Variants in DSP observed in about 807,000 individuals in gnomAD.
DSP encodes desmoplakin, also known as 250/210 kDa paraneoplastic pemphigus antigen.
In DSP, 114 loss-of-function variants were observed where a neutral mutation model predicts 290.6. The observed-to-expected ratio is 0.39, with a 90% CI of 0.34 to 0.46. The LOEUF (loss-of-function observed/expected upper bound fraction) is 0.46. Ranked by LOEUF, DSP falls within the 20% of genes least tolerant of loss-of-function variation. The pLI is 0.99. For synonymous variants in DSP, 1,311 were observed against 1,316.4 expected, an observed-to-expected ratio of 1.00 and a Z score of 0.09; for missense variants, 3,230 against 3,495.8, an observed-to-expected ratio of 0.92 and a Z score of 1.92.
intron 21 of DSP, 65 bp downstream of exon 21, chr6:7,577,951 C>T: frequency 5.4e-6 from 7 of 1,297,440 alleles, no homozygotes; most frequent in Non-Finnish European, 6.7e-6. Context: ...TTTTCCCTGT[C>T]TCCTGCCTCT....
Position 7,581,523 on chromosome 6 carries a change from A to G in DSP, c.5333A>G (p.Glu1778Gly). The change falls in exon 23 of 24, where the codon GAA becomes GGA. Residue 1778 changes from glutamate to glycine, a missense_variant. Around this residue, in one of 5 missense-constraint regions of DSP, gnomAD observed 1,714 missense variants for 1,844.5 expected, o/e 0.93. Coordinates refer to ENST00000379802, the MANE Select transcript of DSP (RefSeq NM_004415.4). ...ATTAATGATTTACAGAGAGAGAGGG[A>G]AAATTTGAGACAGGAAATTGAGAAA... is the stretch of plus-strand genomic sequence containing the variant. ...GLINDLQRERENLRQEIEKFQ... is the reference protein window; with the variant it reads ...GLINDLQRERGNLRQEIEKFQ... 6.2e-7 allele frequency: 1 copy of G among 1,614,136 alleles called. No individual in the cohort carries two copies. The highest frequency in any genetic ancestry group is 2.2e-5 in the East Asian group (1 of 44,880).
rs201133637 is a variant in DSP at position 7,541,953 on chromosome 6, C to T, written c.38C>T (p.Thr13Ile). The change falls in exon 1 of 24, where the codon ACT becomes ATT. Residue 13 changes from threonine (T) to isoleucine (I), a missense_variant. Transcript: ENST00000379802. ...CNGGSHPRIN[T>I]LGRMIRAESG... ...GGAGGCTCCCACCCGCGGATCAACA[C>T]TCTGGGCCGCATGATCCGCGCCGAG... 1.7e-5 allele frequency: 27 copies of T among 1,609,122 alleles called. No homozygotes were observed. The East Asian group carries it at 4.9e-4, about 29-fold the overall frequency.
chr6:7,585,304 A>C lies in DSP; in HGVS notation c.8042A>C (p.Asp2681Ala), dbSNP rs746166372. The C allele has an allele frequency of 6.8e-6, 11 of 1,614,158 alleles. 1 individual carries two copies. In the Middle Eastern group the frequency reaches 1.3e-3, roughly 194 times the overall value. ...LQDAVSQGVI[D>A]QDMATRLKPA... ...GACGCAGTCTCCCAGGGTGTGATTG[A>C]CCAAGACATGGCCACCAGGCTGAAG... Residue 2681 changes from aspartate (D) to alanine (A), a missense_variant, in exon 24 of 24, where the codon GAC becomes GCC. Physicochemically the swap from Asp to Ala is moderately radical, Grantham distance 126. Transcript: ENST00000379802.
At position 7,576,375 on chromosome 6, in the gene DSP, T is replaced by C. The variant is rs1759240547; in HGVS notation, c.2712T>C (p.Asp904=). The change falls in exon 19 of 24, where the codon GAT becomes GAC. Residue 904 remains aspartate, a synonymous_variant. Transcript: ENST00000379802. The part of the protein sequence containing the change: ...NYQAFCKWLY[D]AKRRQDSLES... ...AGGCTTTCTGCAAGTGGCTCTATGATGCTAAACGCCGCCAGGATTCCTTAG... is the reference window on the plus strand; with the variant it reads ...AGGCTTTCTGCAAGTGGCTCTATGACGCTAAACGCCGCCAGGATTCCTTAG... 6.2e-7 allele frequency: 1 copy of C among 1,614,166 alleles called. No homozygotes were observed. The highest frequency in any genetic ancestry group is 1.3e-5 in the African/African-American group (1 of 75,044).
chr6:7,557,277 G>A (rs1758529745), intron 2 of DSP, among the ~76,000 whole-genome samples: 1 of 152,210 alleles, frequency 6.6e-6, no homozygotes, highest in Admixed American at 6.5e-5. Context: ...TCTCTACCCA[G>A]CACCCAGCTT....
At chr6:7,546,609 C>T (rs62388072) in intron 1 of DSP, among the ~76,000 whole-genome samples, 17,724 of 152,200 alleles carry the variant, frequency 0.12, 1,350 homozygotes, top group Non-Finnish European at 0.17. Context: ...ACCACAATGA[C>T]GCAAGAGAAG....
chr6:7,584,905 G>A lies in DSP; in HGVS notation c.7643G>A (p.Arg2548Gln), dbSNP rs377565339. The A allele has an allele frequency of 6.2e-7, 1 of 1,614,142 alleles. No individual in the cohort carries two copies. The highest frequency in any genetic ancestry group is 8.5e-7 in the Non-Finnish European group (1 of 1,180,016). ...LVDRKFFDQY[R>Q]SGSLSLTQFA... ...GACAGGAAGTTCTTTGATCAGTACC[G>A]ATCCGGCAGCCTCAGCCTCACTCAA... The change falls in exon 24 of 24, where the codon CGA (arginine) becomes CAA (glutamine). Residue 2548 changes from arginine (R) to glutamine (Q), a missense_variant. Physicochemically the swap from Arg to Gln is conservative, Grantham distance 43. Transcript: ENST00000379802. This position sits in a 1 kb window ranked among gnomAD's most constrained non-coding sequence, Gnocchi z 6.4.
At chr6:7,553,737 T>C (rs1458581045) in intron 1 of DSP, among the ~76,000 whole-genome samples, 1 of 152,174 alleles carries the variant, frequency 6.6e-6, no homozygotes, top group African/African-American at 2.4e-5. Flanking sequence ...AGAGACTGGT[T>C]GCATTGGTGG....
At chr6:7,569,094 G>A (rs767824453) in intron 11 of DSP, 92 bp from the exon 12 acceptor site, 9 of 1,543,858 alleles carry the variant, frequency 5.8e-6, no homozygotes, top group South Asian at 2.3e-5. Context: ...TTAATAATTC[G>A]CATGTGTTCA....
chr6:7,551,279 C>CAT (rs550590769), intron 1 of DSP, among the ~76,000 whole-genome samples: 2,043 of 151,568 alleles, frequency 0.013, 41 homozygotes, highest in African/African-American at 0.046. Flanking sequence ...TAGTCAATAA[C>CAT]ATATATATAT....
intron 21 of DSP, among the ~76,000 whole-genome samples, 156 bp from the exon 22 acceptor site, chr6:7,578,308 G>C (rs1759311128): frequency 6.6e-6 from 1 of 152,122 alleles, no homozygotes; most frequent in African/African-American, 2.4e-5. Context: ...CCTTTGTTTT[G>C]CTGTACTTTC....
At chr6:7,558,856 C>G (rs1049628204) in intron 3 of DSP, among the ~76,000 whole-genome samples, 1 of 151,984 alleles carries the variant, frequency 6.6e-6, no homozygotes, top group African/African-American at 2.4e-5. Context: ...AAATGAGACC[C>G]TTAGAGTTGG....
At chr6:7,569,429 C>A in intron 12 of DSP, 89 bp downstream of exon 12, 2 of 1,584,432 alleles carry the variant, frequency 1.3e-6, no homozygotes. Context: ...GAAGCTTAGA[C>A]ACACGATGCC....
At position 7,583,172 on chromosome 6, in the gene DSP, G is replaced by C; in HGVS notation, c.5910G>C (p.Gly1970=). 1 of 1,614,124 alleles carries C rather than the reference G, an allele frequency of 6.2e-7. No individual in the cohort carries two copies. Among genetic ancestry groups the C allele is most frequent in the Non-Finnish European group, 8.5e-7 (1 of 1,180,024 alleles). The part of the protein sequence containing the change: ...TVDTSKLVFD[G]LRKKVTAMQL... ...ACACCTCCAAGCTGGTGTTTGATGG[G>C]CTGAGGAAGAAGGTGACAGCAATGC... The change falls in exon 24 of 24, where the codon GGG becomes GGC. Residue 1970 remains glycine (G), a synonymous_variant. Transcript: ENST00000379802. The surrounding 1 kb of genome is among the most constrained non-coding windows in gnomAD (Gnocchi z 4.0).
rs1759119522 is a variant in DSP at position 7,573,355 on chromosome 6, G to A, written c.2131-731G>A. Among the ~76,000 whole-genome samples, 7 of 152,236 alleles carry A rather than the reference G, an allele frequency of 4.6e-5. No homozygotes were observed. The South Asian group carries it at 1.4e-3, about 32-fold the overall frequency. ...GCACTTTGGGAGGCCGAGGCGGGTG[G>A]ATCACAAGGTCAGGAGTTCAAGACC... On this transcript the variant is annotated intron_variant, in intron 15 of 23. Coordinates refer to ENST00000379802, the MANE Select transcript of DSP (RefSeq NM_004415.4).
intron 1 of DSP, among the ~76,000 whole-genome samples, chr6:7,545,032 A>T (rs1017201138): frequency 2.0e-5 from 3 of 152,230 alleles, no homozygotes; most frequent in Non-Finnish European, 4.4e-5. Context: ...TAAATAGTGA[A>T]ATTTGTTACC....
chr6:7,541,804 T>A lies in DSP; in HGVS notation c.-112T>A. 7.2e-7 allele frequency: 1 copy of A among 1,398,262 alleles called. No homozygotes were observed. The highest frequency in any genetic ancestry group is 2.6e-5 in the East Asian group (1 of 38,266). 86.6% of individuals were successfully genotyped at this position (1,398,262 alleles called of 1,614,324 possible). ...CAGCGACCTCGCGAGCCTTCCGCAC[T>A]CCCGCCCGGTTCCCCGGCCGTCCGC... On this transcript the variant is annotated 5_prime_UTR_variant, in exon 1 of 24. Coordinates refer to ENST00000379802, the MANE Select transcript of DSP (RefSeq NM_004415.4).
rs1331017646 is a variant in DSP, at chr6:7,582,938, G to C, written c.5676G>C (p.Lys1892Asn). 6.2e-7 allele frequency: 1 copy of C among 1,614,022 alleles called. No homozygotes were observed. The highest frequency in any genetic ancestry group is 1.1e-5 in the South Asian group (1 of 91,086). Residue 1892 changes from lysine (K) to asparagine (N), a missense_variant, in exon 24 of 24, where the codon AAG (lysine) becomes AAC (asparagine). Lys to Asn is a moderately conservative substitution (Grantham distance 94). Around this residue, in one of 5 missense-constraint regions of DSP, gnomAD observed 1,714 missense variants for 1,844.5 expected, o/e 0.93. Coordinates refer to ENST00000379802, the MANE Select transcript of DSP (RefSeq NM_004415.4). This position sits in a 1 kb window ranked among gnomAD's most constrained non-coding sequence, Gnocchi z 4.2. ...AAAGAGAAAAGAGTGAGAGAGAGAA[G>C]AACAGTCTTAGGAGTGAGATCGAAA... ...ESEREKSERE[K>N]NSLRSEIERL...
chr6:7,562,410 C>G (rs1454892256), intron 4 of DSP, among the ~76,000 whole-genome samples: 1 of 141,862 alleles, frequency 7.0e-6, no homozygotes, highest in Non-Finnish European at 1.5e-5. Flanking sequence ...TCTTGGTTTT[C>G]AGGTTCCCAT....
Sources: gnomAD v4.1 joint callset for allele counts (sites outside exome capture counted in the v4.1 genomes callset) on GRCh38, gnomAD v4.1.1 for gene constraint, gnomAD v4.1.1 regional missense constraint, Gnocchi (gnomAD v3.1) non-coding constraint, MANE v1.5 for transcripts, NCBI Gene and HGNC (gene_info 2026-07-23, HGNC 2026-07-21) for gene names.